Variants in DPYD observed in about 807,000 individuals in gnomAD.
DPYD encodes dihydropyrimidine dehydrogenase [NADP(+)].
Under a neutral mutation model 116.2 loss-of-function variants are expected in DPYD, and 109 were observed. The observed-to-expected ratio is 0.94, with a 90% CI of 0.80 to 1.10. The LOEUF is 1.10. Ranked by LOEUF, DPYD falls within the 50% of genes least tolerant of loss-of-function variation. The probability of loss-of-function intolerance (pLI) is 0.00; values close to 1 mark genes in which losing one functional copy is unlikely to be tolerated. For synonymous variants in DPYD, 440 were observed against 432.0 expected (o/e 1.02, Z -0.23); for missense variants, 1,302 against 1,254.5 (o/e 1.04, Z -0.57).
intron 8 of DPYD, among the ~76,000 whole-genome samples, chr1:97,611,869 C>T (rs1040626111): frequency 1.3e-5 from 2 of 152,052 alleles, no homozygotes; most frequent in African/African-American, 4.8e-5. Context: ...AGTTACTACA[C>T]AGGTGTTAGT....
chr1:97,527,571 G>T (rs908639274), intron 12 of DPYD, among the ~76,000 whole-genome samples: 2 of 151,886 alleles, frequency 1.3e-5, no homozygotes, highest in Admixed American at 1.3e-4. Context: ...TGCCATTAAA[G>T]AATAGAAATA....
intron 16 of DPYD, among the ~76,000 whole-genome samples, chr1:97,352,563 TAAA>T (rs71747807): frequency 2.2e-5 from 3 of 136,688 alleles, no homozygotes; most frequent in Admixed American, 7.2e-5. Flanking sequence ...CCTGAAATAG[TAAA>T]AAAAAAAAAA....
intron 2 of DPYD, among the ~76,000 whole-genome samples, chr1:97,867,940 TGCAG>T (rs1671468590): frequency 6.6e-6 from 1 of 151,824 alleles, no homozygotes; most frequent in African/African-American, 2.4e-5. Context: ...GTTGTGTGTT[TGCAG>T]GTGACATGGT....
At chr1:97,367,940 C>G (rs1396279436) in intron 16 of DPYD, among the ~76,000 whole-genome samples, 4 of 152,168 alleles carry the variant, frequency 2.6e-5, no homozygotes, top group African/African-American at 9.6e-5. Context: ...ATCTTTAAAC[C>G]CTTTCACATA....
intron 10 of DPYD, among the ~76,000 whole-genome samples, chr1:97,579,878 T>TA (rs911894265): frequency 4.6e-5 from 7 of 152,010 alleles, no homozygotes; most frequent in Non-Finnish European, 8.8e-5. Flanking sequence ...GTGGGAAAGT[T>TA]AAAAAAAATT....
At chr1:97,394,108 T>G (rs557913662) in intron 14 of DPYD, 1 of 152,290 alleles carries the variant, frequency 6.6e-6, no homozygotes, top group African/African-American at 2.4e-5. Context: ...AAGTGTCTGT[T>G]CATATCCTTC....
At chr1:97,415,647 T>A (rs1328356330) in intron 14 of DPYD, among the ~76,000 whole-genome samples, 1 of 152,190 alleles carries the variant, frequency 6.6e-6, no homozygotes, top group Non-Finnish European at 1.5e-5. Context: ...TAAAAAATAC[T>A]ATGCTTCCTG....
At chr1:97,444,838 C>T (rs1675990113) in intron 14 of DPYD, among the ~76,000 whole-genome samples, 1 of 152,072 alleles carries the variant, frequency 6.6e-6, no homozygotes, top group South Asian at 2.1e-4. Context: ...GGTGAGAAAA[C>T]ATTTAGACTT....
chr1:97,386,339 G>T (rs570518102), intron 14 of DPYD, among the ~76,000 whole-genome samples: 2 of 150,660 alleles, frequency 1.3e-5, no homozygotes, highest in South Asian at 4.2e-4. Flanking sequence ...CAGAGCTGCT[G>T]TTGATCACTG....
At chr1:97,806,019 C>T (rs1242201306) in intron 3 of DPYD, among the ~76,000 whole-genome samples, 1 of 151,742 alleles carries the variant, frequency 6.6e-6, no homozygotes, top group African/African-American at 2.4e-5. Context: ...TTTAGCAACC[C>T]TCTATCAGAA....
intron 1 of DPYD, among the ~76,000 whole-genome samples, chr1:97,908,597 AT>A (rs542727969): frequency 5.5e-4 from 84 of 151,994 alleles, no homozygotes; most frequent in African/African-American, 1.8e-3. Context: ...ACCACCAATA[AT>A]TCTTGTTCTT....
At chr1:97,145,083 TC>T in intron 20 of DPYD, among the ~76,000 whole-genome samples, 1 of 152,282 alleles carries the variant, frequency 6.6e-6, no homozygotes, top group South Asian at 2.1e-4. Flanking sequence ...GTGCAATTTA[TC>T]CTTGCTAAAC....
intron 16 of DPYD, among the ~76,000 whole-genome samples, chr1:97,323,510 A>G (rs1453685833): frequency 1.2e-5 from 1 of 84,248 alleles, no homozygotes; most frequent in Non-Finnish European, 2.7e-5. Flanking sequence ...ATATGTACAT[A>G]TGTGTATATA....
At chr1:97,804,734 A>C (rs1668002220) in intron 3 of DPYD, among the ~76,000 whole-genome samples, 1 of 151,842 alleles carries the variant, frequency 6.6e-6, no homozygotes, top group South Asian at 2.1e-4. Context: ...GTAAGTGTTT[A>C]AGTGGTCACA....
chr1:97,439,004 G>A (rs1675611586), intron 14 of DPYD, among the ~76,000 whole-genome samples: 1 of 152,044 alleles, frequency 6.6e-6, no homozygotes, highest in African/African-American at 2.4e-5. Flanking sequence ...GATATTAGTT[G>A]TAGGCTTTGT....
chr1:97,916,540 T>C (rs1674221227), intron 1 of DPYD, among the ~76,000 whole-genome samples: 1 of 152,184 alleles, frequency 6.6e-6, no homozygotes, highest in South Asian at 2.1e-4. Flanking sequence ...ATTTTTCTTC[T>C]AGAATGTAAC....
chr1:97,249,890 G>A lies in DPYD; in HGVS notation c.2300-14896C>T, dbSNP rs544750402. 1.5e-4 allele frequency among the ~76,000 whole-genome samples: 23 copies of A among 152,198 alleles called. No individual in the cohort carries two copies. The South Asian group carries it at 2.3e-3, about 15-fold the overall frequency. The stretch of plus-strand genomic sequence containing the variant: ...ACACCATTTTAGGCCCACAGGAATG[G>A]CTAAAAATCCAAAAGACTGATAACA... On this transcript the variant is annotated intron_variant, in intron 18 of 22. Transcript: ENST00000370192.
At chr1:97,177,100 C>T (rs1216647863) in intron 20 of DPYD, among the ~76,000 whole-genome samples, 1 of 152,046 alleles carries the variant, frequency 6.6e-6, no homozygotes, top group Non-Finnish European at 1.5e-5. Context: ...TTGCAATTAT[C>T]ACACTATATT....
In DPYD at chr1:97,348,266, G is replaced by C. The variant is rs147527963; in HGVS notation, c.2058+25295C>G. On this transcript the variant is annotated intron_variant, in intron 16 of 22. Transcript: ENST00000370192. ...GTTCTTTCCTTTTGTTTCATGTTCTGAATAATTCAATTAAAAGTCTGACAA... is the reference window on the plus strand; with the variant it reads ...GTTCTTTCCTTTTGTTTCATGTTCTCAATAATTCAATTAAAAGTCTGACAA... Among the ~76,000 whole-genome samples, 20 of 152,138 alleles carry C rather than the reference G, an allele frequency of 1.3e-4. No individual in the cohort carries two copies. In the East Asian group the frequency reaches 3.5e-3, roughly 26 times the overall value.
Sources: gnomAD v4.1 joint callset for allele counts (sites outside exome capture counted in the v4.1 genomes callset) on GRCh38, gnomAD v4.1.1 for gene constraint, MANE v1.5 for transcripts, NCBI Gene and HGNC (gene_info 2026-07-23, HGNC 2026-07-21) for gene names.